The following ULK4 variants were observed in gnomAD, a reference collection of about 807,000 sequenced individuals.
The protein encoded by ULK4 is unc-51 like kinase 4.
ULK4 carries 133 observed loss-of-function variants against 160.6 expected under a neutral mutation model. That is an observed-to-expected ratio of 0.83 (90% CI 0.72 to 0.96). ULK4 has a LOEUF of 0.96. ULK4 is among the 40% of genes least tolerant of loss of function. The pLI is 0.00. For missense variants in ULK4, 1,580 were observed against 1,499.5 expected (o/e 1.05, Z -0.89); for synonymous variants, 534 against 539.8 (o/e 0.99, Z 0.15).
intron 17 of ULK4, among the ~76,000 whole-genome samples, chr3:41,870,470 C>T (rs1158664660): frequency 5.9e-5 from 9 of 152,130 alleles, no homozygotes; most frequent in African/African-American, 2.2e-4. Flanking sequence ...ATTCTGTCTT[C>T]TATTATGTTC....
chr3:41,843,711 G>A (rs1199711428), intron 17 of ULK4, among the ~76,000 whole-genome samples: 1 of 152,148 alleles, frequency 6.6e-6, no homozygotes, highest in Non-Finnish European at 1.5e-5. Flanking sequence ...ATTGCAAAGA[G>A]CAAAAGAACA....
chr3:41,480,591 T>A lies in ULK4; in HGVS notation c.3227-17338A>T, dbSNP rs111958314. Among the ~76,000 whole-genome samples, 304 of 152,304 alleles carry A rather than the reference T, an allele frequency of 2.0e-3. 3 individuals are homozygous for A. The highest frequency in any genetic ancestry group is 7.0e-3 in the African/African-American group (291 of 41,570). On this transcript the variant is annotated intron_variant, in intron 32 of 36. Transcript: ENST00000301831. ...AAATATATCTTCTCTTCCTTATGATTTTCTTAATAACATTTTTTTCTCTAG... is the reference window on the plus strand; with the variant it reads ...AAATATATCTTCTCTTCCTTATGATATTCTTAATAACATTTTTTTCTCTAG...
intron 35 of ULK4, among the ~76,000 whole-genome samples, chr3:41,295,348 G>A (rs75443079): frequency 0.016 from 2,168 of 133,712 alleles, 451 homozygotes; most frequent in African/African-American, 0.045. Context: ...ACCTCAATGT[G>A]AAATGCAAAA....
intron 35 of ULK4, among the ~76,000 whole-genome samples, chr3:41,284,036 C>G (rs2079414035): frequency 6.6e-6 from 1 of 151,996 alleles, no homozygotes; most frequent in South Asian, 2.1e-4. Context: ...AAGACCTCTA[C>G]AAAGAAAACT....
At position 41,894,079 on chromosome 3, in the gene ULK4, G is replaced by A. The variant is rs557209430; in HGVS notation, c.1577+1439C>T. Among the ~76,000 whole-genome samples, 3 of 152,306 alleles carry A rather than the reference G, an allele frequency of 2.0e-5. No individual in the cohort carries two copies. In the East Asian group the frequency reaches 5.8e-4, roughly 29 times the overall value. On this transcript the variant is annotated intron_variant, in intron 16 of 36. Transcript: ENST00000301831. ...AAAGTGGGGGAAAAAAACAGTATGT[G>A]TGAATTTTGGTATCCAAGGGGATAC... is the stretch of plus-strand genomic sequence containing the variant.
Position 41,601,190 on chromosome 3 carries a change from G to A in ULK4, c.3120+14479C>T, listed in dbSNP as rs544102109. Among the ~76,000 whole-genome samples, 141 of 152,208 alleles carry A rather than the reference G, an allele frequency of 9.3e-4. 2 individuals are homozygous for A. The highest frequency in any genetic ancestry group is 3.3e-3 in the African/African-American group (136 of 41,548). On this transcript the variant is annotated intron_variant, in intron 31 of 36. Coordinates refer to ENST00000301831, the MANE Select transcript of ULK4 (RefSeq NM_017886.4). Reference sequence around the variant, plus strand: ...AAGTCACAAATTATCAAATTAGGAAGAAGACAGGGTAAATAACGACATTAA... The same window carrying A: ...AAGTCACAAATTATCAAATTAGGAAAAAGACAGGGTAAATAACGACATTAA...
intron 34 of ULK4, among the ~76,000 whole-genome samples, chr3:41,425,134 A>T (rs966887327): frequency 5.3e-5 from 8 of 152,192 alleles, no homozygotes; most frequent in African/African-American, 1.7e-4. Flanking sequence ...CCACAATACA[A>T]GAACTTCGCA....
chr3:41,885,133 C>T (rs1384026422), intron 16 of ULK4, among the ~76,000 whole-genome samples: 1 of 152,120 alleles, frequency 6.6e-6, no homozygotes, highest in Non-Finnish European at 1.5e-5. Context: ...GGATTACAGG[C>T]TTGAGACACT....
intron 19 of ULK4, among the ~76,000 whole-genome samples, chr3:41,805,802 A>G (rs1376297678): frequency 2.7e-5 from 4 of 147,080 alleles, no homozygotes; most frequent in Non-Finnish European, 4.5e-5. Flanking sequence ...ATTTGCGTAT[A>G]TTGAACCAGC....
intron 2 of ULK4, among the ~76,000 whole-genome samples, chr3:41,945,253 C>T (rs1358967462): frequency 2.7e-5 from 4 of 148,778 alleles, no homozygotes; most frequent in East Asian, 1.9e-4. Context: ...CAAGATGTGC[C>T]GGCAAATGGA....
intron 35 of ULK4, among the ~76,000 whole-genome samples, chr3:41,341,401 A>G (rs2080681405): frequency 6.6e-6 from 1 of 152,128 alleles, no homozygotes; most frequent in Admixed American, 6.5e-5. Context: ...TTGATTTTAC[A>G]CTCAACCATG....
intron 29 of ULK4, among the ~76,000 whole-genome samples, chr3:41,664,746 A>C (rs964289720): frequency 6.6e-6 from 1 of 152,152 alleles, no homozygotes; most frequent in African/African-American, 2.4e-5. Flanking sequence ...GTAAACAAAA[A>C]ATTTTATGGA....
chr3:41,526,627 C>G (rs1022716886), intron 32 of ULK4, among the ~76,000 whole-genome samples: 1 of 152,182 alleles, frequency 6.6e-6, no homozygotes, highest in African/African-American at 2.4e-5. Flanking sequence ...CCCTGTATCT[C>G]AGTACTGTCA....
At chr3:41,828,325 A>C (rs1319178795) in intron 18 of ULK4, among the ~76,000 whole-genome samples, 2 of 149,660 alleles carry the variant, frequency 1.3e-5, no homozygotes, top group East Asian at 3.9e-4. Context: ...AAGGAAATAA[A>C]GGGCATTCAA....
At chr3:41,531,181 GC>G (rs2086297956) in intron 32 of ULK4, among the ~76,000 whole-genome samples, 1 of 148,908 alleles carries the variant, frequency 6.7e-6, no homozygotes, top group African/African-American at 2.5e-5. Context: ...GGTGGCTCAG[GC>G]CTGTAATCCC....
intron 22 of ULK4, among the ~76,000 whole-genome samples, chr3:41,720,600 T>A (rs2037415271): frequency 6.6e-6 from 1 of 151,876 alleles, no homozygotes; most frequent in African/African-American, 2.4e-5. Context: ...GAGCAAGGAC[T>A]AAGAGAAGGC....
chr3:41,669,600 A>T (rs574714496), intron 29 of ULK4, among the ~76,000 whole-genome samples: 2 of 152,282 alleles, frequency 1.3e-5, no homozygotes, highest in African/African-American at 4.8e-5. Flanking sequence ...ATCCCTAGAG[A>T]TTCTACAAAA....
At chr3:41,554,659 T>A (rs578194274) in intron 32 of ULK4, among the ~76,000 whole-genome samples, 1 of 152,162 alleles carries the variant, frequency 6.6e-6, no homozygotes, top group African/African-American at 2.4e-5. Context: ...ATATGGTGCC[T>A]ACAGTTAACA....
intron 34 of ULK4, among the ~76,000 whole-genome samples, chr3:41,448,199 AC>A (rs2083347257): frequency 6.6e-6 from 1 of 152,096 alleles, no homozygotes; most frequent in African/African-American, 2.4e-5. Context: ...TGTTTTTGGT[AC>A]CAGGTAACAG....
Sources: gnomAD v4.1 joint callset for allele counts (sites outside exome capture counted in the v4.1 genomes callset) on GRCh38, gnomAD v4.1.1 for gene constraint, MANE v1.5 for transcripts, NCBI Gene and HGNC (gene_info 2026-07-23, HGNC 2026-07-21) for gene names.